KCNK4: variants seen among roughly 807,000 people sequenced by gnomAD.
The protein encoded by KCNK4 is potassium channel subfamily K member 4.
Under a neutral mutation model 28.8 loss-of-function variants are expected in KCNK4, and 22 were observed. That is an observed-to-expected ratio of 0.76 (90% confidence interval 0.55 to 1.09). The LOEUF (loss-of-function observed/expected upper bound fraction) is 1.09, where lower values mean the gene tolerates loss of function less well. Among genes scored for constraint, KCNK4 ranks in the 50% least tolerant of loss-of-function variants. The pLI is 0.00. For synonymous variants in KCNK4, 263 were observed against 252.9 expected (o/e 1.04, Z -0.38); for missense variants, 483 against 546.3 (o/e 0.88, Z 1.15).
Position 64,291,361 on chromosome 11 carries a change from T to G in KCNK4, c.-283T>G, listed in dbSNP as rs2034624640. 2 of 152,248 alleles carry G rather than the reference T, an allele frequency of 1.3e-5. No individual in the cohort carries two copies. The highest frequency in any genetic ancestry group is 1.3e-4 in the Admixed American group (2 of 15,286). 9.4% of individuals were successfully genotyped at this position (152,248 alleles called of 1,614,324 possible). A position where few individuals can be genotyped will look rare whatever the true frequency, so the allele number is the denominator to read the frequency against. On this transcript the variant is annotated 5_prime_UTR_variant, in exon 1 of 7. Transcript: ENST00000422670. ...GCGGAGAGTTGCGGACCCTTCCCGA[T>G]CCGGTAATGGGCCTGGGAGATGCCA...
Position 64,293,137 on chromosome 11 carries a change from G to A in KCNK4, c.119G>A (p.Gly40Glu). Residue 40 changes from glycine (G) to glutamate (E), a missense_variant, in exon 2 of 7, where the codon GGG (glycine) becomes GAG (glutamate). Gly to Glu is a moderately conservative substitution (Grantham distance 98). Transcript: ENST00000422670. ...GAGCAGCAGGCCCAGAGGGAGCTGGGGGAGGTCCGAGAGAAGTTCCTGAGG... is the reference window on the plus strand; with the variant it reads ...GAGCAGCAGGCCCAGAGGGAGCTGGAGGAGGTCCGAGAGAAGTTCCTGAGG... ...PHEQQAQREL[G>E]EVREKFLRAH... The A allele has an allele frequency of 1.3e-6, 2 of 1,540,818 alleles. No homozygotes were observed. Among genetic ancestry groups the A allele is most frequent in the South Asian group, 1.2e-5 (1 of 82,640 alleles).
chr11:64,299,789 TTG>T lies in KCNK4; in HGVS notation c.*65_*66del. On this transcript the variant is annotated 3_prime_UTR_variant, in exon 7 of 7. Transcript: ENST00000422670. ...TTCTGCTCTCCCCGGCATGCCTGGC[TTG>T]TTTGACCAAAGAGCCCTCTTTCCAC... 6.5e-7 allele frequency: 1 copy of T among 1,536,336 alleles called. No individual in the cohort carries two copies.
chr11:64,292,204 G>C (rs1591223455), intron 1 of KCNK4: 2 of 602,520 alleles, frequency 3.3e-6, no homozygotes, highest in East Asian at 2.8e-4. Context: ...GCTTGGCGGC[G>C]CGTGCCGGGG....
At position 64,299,348 on chromosome 11, in the gene KCNK4, G is replaced by T; in HGVS notation, c.804G>T (p.Met268Ile). The change falls in exon 7 of 7, where the codon ATG (methionine) becomes ATT (isoleucine). Residue 268 changes from methionine to isoleucine, a missense_variant and splice_region_variant. Physicochemically the swap from Met to Ile is conservative, Grantham distance 10. Coordinates refer to ENST00000422670, the MANE Select transcript of KCNK4 (RefSeq NM_033310.3). ...GGCTGCTTTCCCTCTCCGTGCAGAT[G>T]GGCGGCCTCACGGCTCAGGCTGCCA... ...RVVSRRTRAE[M>I]GGLTAQAASW... 6.4e-7 allele frequency: 1 copy of T among 1,553,266 alleles called. No individual in the cohort carries two copies. Among genetic ancestry groups the T allele is most frequent in the East Asian group, 2.4e-5 (1 of 41,384 alleles).
chr11:64,293,319 G>A (rs2034687111), intron 2 of KCNK4, 112 bp downstream of exon 2: 8 of 1,186,162 alleles, frequency 6.7e-6, no homozygotes, highest in Admixed American at 3.7e-5. Flanking sequence ...CCCTGAGGAC[G>A]GGTGCAGTGG....
chr11:64,297,146 A>T lies in KCNK4; in HGVS notation c.341A>T (p.Asp114Val). The T allele has an allele frequency of 6.2e-7, 1 of 1,614,136 alleles. No homozygotes were observed. The highest frequency in any genetic ancestry group is 8.5e-7 in the Non-Finnish European group (1 of 1,180,030). Residue 114 changes from aspartate (D) to valine (V), a missense_variant, in exon 4 of 7, where the codon GAT becomes GTT. Coordinates refer to ENST00000422670, the MANE Select transcript of KCNK4 (RefSeq NM_033310.3). ...IGYGNVALRT[D>V]AGRLFCIFYA... ...TATGGCAATGTGGCCCTGCGCACAG[A>T]TGCCGGGCGCCTCTTCTGCATCTTT...
Position 64,299,428 on chromosome 11 carries a change from CGCCGCCGGAGAAGGAGCA to C in KCNK4, c.888_905del (p.Pro297_Pro302del). 1.3e-6 allele frequency: 2 copies of C among 1,585,970 alleles called. No individual in the cohort carries two copies. The highest frequency in any genetic ancestry group is 2.3e-5 in the South Asian group (2 of 88,808). ...ACCCAGCGAGCCGGGCCCGCCGCCC[CGCCGCCGGAGAAGGAGCA>C]GCCACTGCTGCCTCCACCGCCCTGT... On this transcript the variant is annotated inframe_deletion, in exon 7 of 7. Coordinates refer to ENST00000422670, the MANE Select transcript of KCNK4 (RefSeq NM_033310.3).
Position 64,292,069 on chromosome 11 carries a change from C to A in KCNK4, c.-78+503C>A. ...TCTGGGTGCCCTGGCGCGGCCGGCA[C>A]GCCCATGGGGGCCGGGGATGCCGGG... On this transcript the variant is annotated intron_variant, in intron 1 of 6. Transcript: ENST00000422670. The A allele has an allele frequency of 2.7e-6, 3 of 1,121,036 alleles. No individual in the cohort carries two copies. The South Asian group carries it at 5.5e-5, about 20-fold the overall frequency. 69.4% of individuals were successfully genotyped at this position (1,121,036 alleles called of 1,614,324 possible). A position where few individuals can be genotyped will look rare whatever the true frequency, so the allele number is the denominator to read the frequency against.
chr11:64,292,133 C>T, intron 1 of KCNK4: 2 of 987,134 alleles, frequency 2.0e-6, no homozygotes, highest in Middle Eastern at 5.1e-4. Context: ...GTGCGTGCAG[C>T]GGGGCGGCGC....
chr11:64,297,656 G>C lies in KCNK4; in HGVS notation c.661+3G>C, dbSNP rs1355892913. ...GGGCTTTGGCGACTATGTGGCCGGT[G>C]AGGCCGCCCTTCTTGTGCTGCACTT... On this transcript the variant is annotated splice_donor_region_variant and intron_variant, in intron 5 of 6. Transcript: ENST00000422670. The C allele has an allele frequency of 1.0e-5, 16 of 1,607,876 alleles. No homozygotes were observed. In the African/African-American group the frequency reaches 1.3e-4, roughly 13 times the overall value.
Position 64,293,060 on chromosome 11 carries a change from GCTTTA to G in KCNK4, c.46_50del (p.Tyr16GlyfsTer50), listed in dbSNP as rs1293355323. The G allele has an allele frequency of 6.5e-7, 1 of 1,548,866 alleles. No individual in the cohort carries two copies. On this transcript the variant is annotated frameshift_variant, in exon 2 of 7. Transcript: ENST00000422670. LOFTEE classifies it high-confidence loss of function. ...TCCTGGCCCTGCTGGCGCTGGTCTT[GCTTTA>G]CTTGGTGTCTGGTGCCCTGGTGTTC...
chr11:64,292,961 GC>G lies in KCNK4; in HGVS notation c.-52del, dbSNP rs1411894478. 2.2e-5 allele frequency: 33 copies of G among 1,488,006 alleles called. No homozygotes were observed. The highest frequency in any genetic ancestry group is 2.9e-5 in the Non-Finnish European group (33 of 1,123,494). The allele number at this position is 1,488,006 out of a possible 1,614,324, so 92.2% of individuals were successfully genotyped here. A position where few individuals can be genotyped will look rare whatever the true frequency, so the allele number is the denominator to read the frequency against. ...CCGCAGTGACGACAGCTCCCCAGGA[GC>G]CCCCCGCCCGGCCCCTCCAGGCGGG... On this transcript the variant is annotated 5_prime_UTR_variant, in exon 2 of 7. Transcript: ENST00000422670.
At chr11:64,298,294 A>G (rs960810391) in intron 6 of KCNK4, 45 bp downstream of exon 6, 1 of 1,605,454 alleles carries the variant, frequency 6.2e-7, no homozygotes, top group Non-Finnish European at 8.5e-7. Context: ...CTGTGGTGCA[A>G]ATGTGCTGTT....
Position 64,297,592 on chromosome 11 carries a change from G to A in KCNK4, c.600G>A (p.Leu200=). 1 of 1,614,128 alleles carries A rather than the reference G, an allele frequency of 6.2e-7. No homozygotes were observed. Among genetic ancestry groups the A allele is most frequent in the Non-Finnish European group, 8.5e-7 (1 of 1,179,994 alleles). ...GCTATATGGAGGACTGGAGCAAGCT[G>A]GAGGCCATCTACTTTGTCATAGTGA... ...VFCYMEDWSK[L]EAIYFVIVTL... The change falls in exon 5 of 7, where the codon CTG becomes CTA. Residue 200 remains leucine, a synonymous_variant. Transcript: ENST00000422670.
intron 5 of KCNK4, 126 bp downstream of exon 5, chr11:64,297,779 A>C: frequency 2.0e-6 from 2 of 976,552 alleles, no homozygotes; most frequent in East Asian, 5.2e-5. Context: ...CATGGAATGC[A>C]CCATCACAGC....
chr11:64,297,969 C>T, intron 5 of KCNK4, 141 bp from the exon 6 acceptor site: 2 of 1,014,446 alleles, frequency 2.0e-6, no homozygotes, highest in Non-Finnish European at 2.8e-6. Flanking sequence ...ATTTTCCTGC[C>T]TGCACTCACA....
At chr11:64,292,318 G>C (rs1328065712) in intron 1 of KCNK4, among the ~76,000 whole-genome samples, 1 of 152,068 alleles carries the variant, frequency 6.6e-6, no homozygotes, top group East Asian at 1.9e-4. Flanking sequence ...CGCTTTTTCC[G>C]GGAACTGGGC....
chr11:64,293,235 G>T (rs1460336129), intron 2 of KCNK4, 28 bp downstream of exon 2: 1 of 1,422,766 alleles, frequency 7.0e-7, no homozygotes, highest in African/African-American at 1.5e-5. Context: ...AGCCCCTTCA[G>T]CTGTCACCCA....
chr11:64,296,265 A>G (rs2034762556), intron 2 of KCNK4: 1 of 152,090 alleles, frequency 6.6e-6, no homozygotes, highest in Admixed American at 6.6e-5. Flanking sequence ...CCTCCTAAAA[A>G]TTGGGAGCAA....
Sources: gnomAD v4.1 joint callset for allele counts (sites outside exome capture counted in the v4.1 genomes callset) on GRCh38, gnomAD v4.1.1 for gene constraint, MANE v1.5 for transcripts, NCBI Gene and HGNC (gene_info 2026-07-23, HGNC 2026-07-21) for gene names.